The following PRIM2 variants were observed in gnomAD, a reference collection of about 807,000 sequenced individuals.
PRIM2 encodes DNA primase subunit 2, also known as DNA primase large subunit.
PRIM2 carries 39 observed loss-of-function variants against 67.3 expected under a neutral mutation model. The ratio of observed to expected loss-of-function variants is 0.58; its 90% CI spans 0.45 to 0.76. The LOEUF (loss-of-function observed/expected upper bound fraction) is 0.76. Ranked by LOEUF, PRIM2 falls within the 30% of genes least tolerant of loss-of-function variation. The probability of loss-of-function intolerance (pLI) is 0.00; values close to 1 mark genes in which losing one functional copy is unlikely to be tolerated. For missense variants in PRIM2, 398 were observed against 598.7 expected (o/e 0.66, Z 3.50); for synonymous variants, 143 against 198.7 (o/e 0.72, Z 2.36).
intron 5 of PRIM2, among the ~76,000 whole-genome samples, chr6:57,338,002 G>A (rs1182313884): frequency 6.6e-5 from 10 of 151,932 alleles, no homozygotes; most frequent in Admixed American, 3.3e-4. Flanking sequence ...TCAAATAGAC[G>A]CAATAAAAAA....
chr6:57,618,453 C>A (rs1343144290), intron 12 of PRIM2, among the ~76,000 whole-genome samples: 1 of 152,182 alleles, frequency 6.6e-6, no homozygotes, highest in Non-Finnish European at 1.5e-5. Flanking sequence ...CTGAGAGGAC[C>A]CTCAGACTCT....
intron 5 of PRIM2, among the ~76,000 whole-genome samples, chr6:57,329,200 A>G (rs1321670960): frequency 6.6e-6 from 1 of 152,086 alleles, no homozygotes; most frequent in African/African-American, 2.4e-5. Context: ...ATTGAGTCTA[A>G]GAAGTCTTTG....
chr6:57,535,391 C>G (rs1449910442), intron 9 of PRIM2, among the ~76,000 whole-genome samples: 61 of 152,132 alleles, frequency 4.0e-4, no homozygotes, highest in African/African-American at 1.4e-3. Context: ...CTGTGGTGCT[C>G]AAGTTTTGCC....
chr6:57,427,020 A>G (rs1292657111), intron 7 of PRIM2, among the ~76,000 whole-genome samples: 2 of 152,180 alleles, frequency 1.3e-5, no homozygotes, highest in Non-Finnish European at 2.9e-5. Context: ...TTGTCCAGCT[A>G]TATTTTCGGC....
the PRIM2 span, among the ~76,000 whole-genome samples, chr6:57,240,097 T>TTTTTG: frequency 4.4e-3 from 88 of 19,934 alleles, 1 homozygote; most frequent in African/African-American, 0.011. Flanking sequence ...ATCTGTTTTT[T>TTTTTG]TTTTTTTTTT....
upstream of PRIM2, among the ~76,000 whole-genome samples, chr6:57,313,878 T>C (rs1767431565): frequency 6.6e-6 from 1 of 152,212 alleles, no homozygotes; most frequent in African/African-American, 2.4e-5. Flanking sequence ...GGCAACTAAA[T>C]TCTCAGCTGT....
At chr6:57,268,260 C>T in the PRIM2 span, among the ~76,000 whole-genome samples, 1 of 152,144 alleles carries the variant, frequency 6.6e-6, no homozygotes, top group Non-Finnish European at 1.5e-5. Flanking sequence ...CCAGAATGCC[C>T]ACCAGGTGGT....
intron 7 of PRIM2, among the ~76,000 whole-genome samples, chr6:57,442,310 GA>G (rs1164697569): frequency 2.6e-5 from 4 of 152,056 alleles, no homozygotes; most frequent in Non-Finnish European, 5.9e-5. Context: ...TGTAGCAGAT[GA>G]CTTACTGAGT....
At chr6:57,475,331 A>G (rs1773451726) in intron 7 of PRIM2, among the ~76,000 whole-genome samples, 1 of 152,210 alleles carries the variant, frequency 6.6e-6, no homozygotes, top group Non-Finnish European at 1.5e-5. Flanking sequence ...CATCCCCAAA[A>G]GAAACCCTGT....
chr6:57,542,807 G>A (rs1346780346), intron 10 of PRIM2, among the ~76,000 whole-genome samples: 1 of 151,428 alleles, frequency 6.6e-6, no homozygotes, highest in Non-Finnish European at 1.5e-5. Flanking sequence ...TCAATGACAT[G>A]TAATAAACTA....
At chr6:57,435,821 T>C (rs1000219406) in intron 7 of PRIM2, among the ~76,000 whole-genome samples, 2 of 152,196 alleles carry the variant, frequency 1.3e-5, no homozygotes, top group Non-Finnish European at 2.9e-5. Flanking sequence ...GCTGAGCTCA[T>C]TCCAATGTGC....
the PRIM2 span, among the ~76,000 whole-genome samples, chr6:57,223,189 A>G: frequency 6.6e-6 from 1 of 152,256 alleles, no homozygotes; most frequent in African/African-American, 2.4e-5. Context: ...GCATAAAAAG[A>G]CAACAAAAGT....
At chr6:57,432,775 C>T (rs892757825) in intron 7 of PRIM2, among the ~76,000 whole-genome samples, 8 of 152,160 alleles carry the variant, frequency 5.3e-5, no homozygotes, top group African/African-American at 1.4e-4. Flanking sequence ...CCTTTGTCAT[C>T]TACATAGCAG....
At chr6:57,316,714 T>C (rs1381692306), upstream of PRIM2, among the ~76,000 whole-genome samples, 2 of 152,236 alleles carry the variant, frequency 1.3e-5, no homozygotes, top group African/African-American at 4.8e-5. Context: ...TAATTTCCAG[T>C]TCTCGAAAAT....
At chr6:57,251,162 C>G in the PRIM2 span, among the ~76,000 whole-genome samples, 14 of 152,148 alleles carry the variant, frequency 9.2e-5, no homozygotes, top group Non-Finnish European at 1.6e-4. Context: ...AGATTTGTAA[C>G]TGAGTTATCT....
At chr6:57,363,568 T>C (rs1484529791) in intron 5 of PRIM2, among the ~76,000 whole-genome samples, 1 of 152,198 alleles carries the variant, frequency 6.6e-6, no homozygotes, top group Non-Finnish European at 1.5e-5. Context: ...CATTAAGATA[T>C]ATCACTCTGC....
At chr6:57,537,306 A>G in intron 9 of PRIM2, 134 bp from the exon 10 acceptor site, 1 of 454,532 alleles carries the variant, frequency 2.2e-6, no homozygotes. Context: ...CTGTAACCAC[A>G]GTAATAAAGT....
chr6:57,463,240 C>T (rs2070900727), intron 7 of PRIM2, among the ~76,000 whole-genome samples: 1 of 152,148 alleles, frequency 6.6e-6, no homozygotes, highest in Non-Finnish European at 1.5e-5. Flanking sequence ...GCCTATAATC[C>T]TAGTGCTTTG....
intron 5 of PRIM2, among the ~76,000 whole-genome samples, chr6:57,361,347 C>T (rs536079615): frequency 3.3e-5 from 5 of 152,278 alleles, no homozygotes; most frequent in Non-Finnish European, 5.9e-5. Flanking sequence ...GCAGATGAAG[C>T]GCTTGGACAC....
Sources: gnomAD v4.1 joint callset for allele counts (sites outside exome capture counted in the v4.1 genomes callset) on GRCh38, gnomAD v4.1.1 for gene constraint, MANE v1.5 for transcripts, NCBI Gene and HGNC (gene_info 2026-07-23, HGNC 2026-07-21) for gene names.